UBE2E2: variants seen among roughly 807,000 people sequenced by gnomAD.
UBE2E2 encodes the protein ubiquitin-conjugating enzyme E2 E2.
A neutral mutation model predicts 24.7 loss-of-function variants in UBE2E2; 6 were observed. The ratio of observed to expected loss-of-function variants is 0.24; its 90% CI spans 0.13 to 0.48. The LOEUF is 0.48. Among genes scored for constraint, UBE2E2 ranks in the 20% least tolerant of loss-of-function variants. UBE2E2 has a pLI of 0.99. For synonymous variants in UBE2E2, 104 were observed against 83.6 expected (o/e 1.24, Z -1.33); for missense variants, 169 against 245.0 (o/e 0.69, Z 2.07).
At chr3:23,284,782 A>G (rs909429765) in intron 3 of UBE2E2, among the ~76,000 whole-genome samples, 2 of 151,680 alleles carry the variant, frequency 1.3e-5, no homozygotes, top group East Asian at 1.9e-4. Flanking sequence ...ACATCAGAGT[A>G]AATGTGGTAT....
chr3:23,263,313 A>G (rs1697953270), intron 3 of UBE2E2, among the ~76,000 whole-genome samples: 1 of 152,206 alleles, frequency 6.6e-6, no homozygotes, highest in African/African-American at 2.4e-5. Context: ...GCCATTTGTG[A>G]AGATACTGTA....
At chr3:23,546,800 A>T (rs188534720) in intron 5 of UBE2E2, among the ~76,000 whole-genome samples, 20 of 152,248 alleles carry the variant, frequency 1.3e-4, no homozygotes, top group Non-Finnish European at 2.1e-4. Flanking sequence ...ATTAATTTTT[A>T]AAAATTATCT....
chr3:23,365,782 C>T (rs376166141), intron 3 of UBE2E2, among the ~76,000 whole-genome samples: 3 of 151,950 alleles, frequency 2.0e-5, no homozygotes, highest in East Asian at 1.9e-4. Flanking sequence ...CGTATGGAAC[C>T]AAAAAAGAGC....
At chr3:23,457,075 G>A (rs1698695355) in intron 3 of UBE2E2, among the ~76,000 whole-genome samples, 1 of 152,190 alleles carries the variant, frequency 6.6e-6, no homozygotes, top group African/African-American at 2.4e-5. Flanking sequence ...CTGAACAATG[G>A]TGAAAACAAG....
chr3:23,353,502 A>G (rs1575580991), intron 3 of UBE2E2, among the ~76,000 whole-genome samples: 1 of 152,240 alleles, frequency 6.6e-6, no homozygotes, highest in African/African-American at 2.4e-5. Flanking sequence ...GTGTCAGCCC[A>G]AAATCTCCTT....
At chr3:23,257,877 G>C (rs1461141892) in intron 3 of UBE2E2, among the ~76,000 whole-genome samples, 1 of 151,770 alleles carries the variant, frequency 6.6e-6, no homozygotes, top group Non-Finnish European at 1.5e-5. Context: ...CCTATACTTG[G>C]TGTAATTCCT....
chr3:23,433,617 A>G (rs1316070264), intron 3 of UBE2E2, among the ~76,000 whole-genome samples: 2 of 151,992 alleles, frequency 1.3e-5, no homozygotes, highest in Non-Finnish European at 2.9e-5. Flanking sequence ...TTGAAAATGC[A>G]TTAAAGGATC....
chr3:23,371,489 G>T (rs1696397728), intron 3 of UBE2E2, among the ~76,000 whole-genome samples: 1 of 152,090 alleles, frequency 6.6e-6, no homozygotes, highest in Non-Finnish European at 1.5e-5. Context: ...ACCAAGCGAG[G>T]TATTTTATTG....
chr3:23,458,918 G>A (rs1467361472), intron 3 of UBE2E2, among the ~76,000 whole-genome samples: 1 of 152,082 alleles, frequency 6.6e-6, no homozygotes, highest in Non-Finnish European at 1.5e-5. Context: ...AAAACAAAGG[G>A]CAATAAAACA....
chr3:23,207,428 GAA>G (rs34004449), intron 1 of UBE2E2, among the ~76,000 whole-genome samples: 164 of 146,698 alleles, frequency 1.1e-3, no homozygotes, highest in African/African-American at 3.6e-3. Context: ...AGAATGTGGG[GAA>G]AAAAAAAAAA....
chr3:23,490,939 T>G (rs1485446413), intron 3 of UBE2E2, among the ~76,000 whole-genome samples: 1 of 152,172 alleles, frequency 6.6e-6, no homozygotes, highest in Non-Finnish European at 1.5e-5. Flanking sequence ...TCATTCCCAT[T>G]TATTAAGCAT....
At chr3:23,396,875 G>T (rs946019016) in intron 3 of UBE2E2, among the ~76,000 whole-genome samples, 2 of 152,084 alleles carry the variant, frequency 1.3e-5, no homozygotes, top group Non-Finnish European at 2.9e-5. Flanking sequence ...TGCAGGACAG[G>T]GGGGATGTGG....
intron 3 of UBE2E2, among the ~76,000 whole-genome samples, chr3:23,390,886 C>T (rs1442982527): frequency 1.3e-5 from 2 of 152,158 alleles, no homozygotes; most frequent in Non-Finnish European, 2.9e-5. Flanking sequence ...TTTTGGCGTT[C>T]ATGCTTACCT....
intron 3 of UBE2E2, among the ~76,000 whole-genome samples, chr3:23,443,848 G>A (rs1698361598): frequency 6.6e-6 from 1 of 152,090 alleles, no homozygotes; most frequent in Non-Finnish European, 1.5e-5. Flanking sequence ...CTCCATTTTT[G>A]TGAGAATAAG....
At chr3:23,544,365 C>T (rs1324739041) in intron 5 of UBE2E2, among the ~76,000 whole-genome samples, 1 of 152,082 alleles carries the variant, frequency 6.6e-6, no homozygotes, top group Non-Finnish European at 1.5e-5. Flanking sequence ...AAGAAAAAAA[C>T]AGTCCCATCA....
chr3:23,374,600 TAAATTCATGTCTCCCC>T (rs1409145865), intron 3 of UBE2E2, among the ~76,000 whole-genome samples: 1 of 152,196 alleles, frequency 6.6e-6, no homozygotes, highest in Non-Finnish European at 1.5e-5. Context: ...ATATTGGCTC[TAAATTCATGTCTCCCC>T]TTTCGGGATG....
chr3:23,370,407 A>G (rs534883400), intron 3 of UBE2E2, among the ~76,000 whole-genome samples: 2 of 152,338 alleles, frequency 1.3e-5, no homozygotes, highest in South Asian at 2.1e-4. Flanking sequence ...AGTAATGTCA[A>G]TTTTTAAGTA....
intron 3 of UBE2E2, among the ~76,000 whole-genome samples, chr3:23,490,630 T>A (rs1699475674): frequency 6.6e-6 from 1 of 152,342 alleles, no homozygotes; most frequent in Non-Finnish European, 1.5e-5. Context: ...GTCATGAACT[T>A]ACTGAGGAAG....
intron 5 of UBE2E2, among the ~76,000 whole-genome samples, chr3:23,540,738 G>C (rs760148945): frequency 6.6e-6 from 1 of 152,112 alleles, no homozygotes; most frequent in Non-Finnish European, 1.5e-5. Context: ...AGAGAGAGAT[G>C]AAACCTCATT....
Sources: gnomAD v4.1 joint callset for allele counts (sites outside exome capture counted in the v4.1 genomes callset) on GRCh38, gnomAD v4.1.1 for gene constraint, MANE v1.5 for transcripts, NCBI Gene and HGNC (gene_info 2026-07-23, HGNC 2026-07-21) for gene names.